Variants in YIPF7 observed in about 807,000 individuals in gnomAD.
YIPF7 encodes the protein Yip1 domain family member 7, also known as protein YIPF7.
In YIPF7, 35 loss-of-function variants were observed where a neutral mutation model predicts 27.2. The ratio of observed to expected loss-of-function variants is 1.29; its 90% CI spans 0.98 to 1.70. The LOEUF (loss-of-function observed/expected upper bound fraction) is 1.70, where lower values mean the gene tolerates loss of function less well. YIPF7 is among the 40% of genes most tolerant of loss of function. The pLI is 0.00. For missense variants in YIPF7, 358 were observed against 303.7 expected (o/e 1.18, Z -1.33); for synonymous variants, 137 against 110.4 (o/e 1.24, Z -1.51).
At chr4:44,650,494 T>TGA (rs1435619663) in intron 1 of YIPF7, among the ~76,000 whole-genome samples, 1 of 133,684 alleles carries the variant, frequency 7.5e-6, no homozygotes, top group Non-Finnish European at 1.7e-5. Flanking sequence ...CGCACACACA[T>TGA]GCGCGCGCGC....
At chr4:44,654,389 G>C (rs1173022345), upstream of YIPF7, among the ~76,000 whole-genome samples, 1 of 151,970 alleles carries the variant, frequency 6.6e-6, no homozygotes, top group East Asian at 1.9e-4. Context: ...ATGTAAAAAA[G>C]CCGTGTGTTC....
intron 2 of YIPF7, among the ~76,000 whole-genome samples, chr4:44,643,705 C>A (rs887831922): frequency 2.0e-5 from 3 of 152,158 alleles, no homozygotes; most frequent in African/African-American, 4.8e-5. Context: ...TTGCTCCCTG[C>A]ATTCTGGCCA....
At chr4:44,624,560 G>T in intron 5 of YIPF7, 41 bp downstream of exon 5, 1 of 1,502,108 alleles carries the variant, frequency 6.7e-7, no homozygotes, top group South Asian at 1.3e-5. Flanking sequence ...CCTTGGCTAT[G>T]ATTGTGCATG....
chr4:44,630,157 G>A (rs1577733937), intron 3 of YIPF7, among the ~76,000 whole-genome samples: 1 of 152,004 alleles, frequency 6.6e-6, no homozygotes, highest in African/African-American at 2.4e-5. Context: ...CCATAGTGGC[G>A]AGGTCTCACT....
At chr4:44,635,424 A>C (rs1429492257) in intron 3 of YIPF7, among the ~76,000 whole-genome samples, 1 of 152,154 alleles carries the variant, frequency 6.6e-6, no homozygotes, top group Non-Finnish European at 1.5e-5. Context: ...TGCCAAGCTG[A>C]TATGAAAGGG....
chr4:44,645,297 G>A (rs1038744279), intron 2 of YIPF7, among the ~76,000 whole-genome samples: 3 of 151,908 alleles, frequency 2.0e-5, no homozygotes, highest in African/African-American at 7.3e-5. Context: ...TTACTAAGTG[G>A]CACCAACTCT....
chr4:44,658,177 A>G (rs1417495825), intron 2 of YIPF7, among the ~76,000 whole-genome samples: 1 of 152,130 alleles, frequency 6.6e-6, no homozygotes, highest in Non-Finnish European at 1.5e-5. Context: ...CTGGAGGTGG[A>G]GTCTTTGGGA....
intron 4 of YIPF7, among the ~76,000 whole-genome samples, chr4:44,627,820 A>C (rs950711392): frequency 1.3e-5 from 2 of 152,206 alleles, no homozygotes; most frequent in Non-Finnish European, 2.9e-5. Context: ...GATTACAGCA[A>C]GTGGCAAAGC....
chr4:44,639,516 A>C (rs995452085), intron 2 of YIPF7, among the ~76,000 whole-genome samples: 1 of 152,132 alleles, frequency 6.6e-6, no homozygotes, highest in Non-Finnish European at 1.5e-5. Flanking sequence ...TAGAAATGCT[A>C]CTGATTTTGT....
intron 2 of YIPF7, among the ~76,000 whole-genome samples, chr4:44,641,214 GT>G (rs1339508254): frequency 6.6e-6 from 1 of 151,990 alleles, no homozygotes. Context: ...AGCTTTTGGT[GT>G]TTTCTGTCAC....
chr4:44,657,045 C>A (rs969462321), intron 2 of YIPF7, among the ~76,000 whole-genome samples: 1 of 151,978 alleles, frequency 6.6e-6, no homozygotes, highest in Non-Finnish European at 1.5e-5. Flanking sequence ...TATTTCATGG[C>A]CTATGCAATT....
chr4:44,624,942 C>CA (rs1712579116), intron 4 of YIPF7, among the ~76,000 whole-genome samples, 160 bp from the exon 5 acceptor site: 1 of 151,940 alleles, frequency 6.6e-6, no homozygotes, highest in Non-Finnish European at 1.5e-5. Flanking sequence ...AAAACATGGC[C>CA]AATGGTTTGA....
intron 3 of YIPF7, among the ~76,000 whole-genome samples, chr4:44,633,865 C>T (rs1281025669): frequency 6.6e-6 from 1 of 152,076 alleles, no homozygotes; most frequent in Non-Finnish European, 1.5e-5. Flanking sequence ...AAAGTCAATA[C>T]ATATATGAGA....
upstream of YIPF7, among the ~76,000 whole-genome samples, chr4:44,653,223 G>C (rs552884400): frequency 3.2e-4 from 49 of 152,202 alleles, no homozygotes; most frequent in Non-Finnish European, 6.0e-4. Flanking sequence ...GATGAGGTCA[G>C]AGGTATGAAC....
intron 4 of YIPF7, among the ~76,000 whole-genome samples, chr4:44,627,967 C>T (rs1712733702): frequency 6.6e-6 from 1 of 152,114 alleles, no homozygotes; most frequent in African/African-American, 2.4e-5. Context: ...GGAATTGATG[C>T]TGTTCTTTAA....
intron 2 of YIPF7, among the ~76,000 whole-genome samples, chr4:44,660,123 A>AAAAAAAAAAAAAAAAC (rs1560332839): frequency 6.9e-6 from 1 of 145,740 alleles, no homozygotes; most frequent in Non-Finnish European, 1.5e-5. Flanking sequence ...CAAAAAAAAA[A>AAAAAAAAAAAAAAAAC]AAAAAAAAAA....
At chr4:44,626,896 C>A (rs1185587939) in intron 4 of YIPF7, among the ~76,000 whole-genome samples, 2 of 149,928 alleles carry the variant, frequency 1.3e-5, no homozygotes, top group East Asian at 4.0e-4. Context: ...CTGCTTCAGC[C>A]TCCCGCGTAG....
intron 2 of YIPF7, among the ~76,000 whole-genome samples, chr4:44,647,710 A>G (rs1287337043): frequency 2.0e-5 from 3 of 152,132 alleles, no homozygotes; most frequent in Non-Finnish European, 4.4e-5. Context: ...AAAAAAAATT[A>G]TATCTCAATA....
intron 4 of YIPF7, 150 bp from the exon 5 acceptor site, chr4:44,624,932 A>G: frequency 1.5e-6 from 1 of 678,772 alleles, no homozygotes; most frequent in Non-Finnish European, 2.4e-6. Flanking sequence ...AGTTCTGGGA[A>G]AAACATGGCC....
Sources: gnomAD v4.1 joint callset for allele counts (sites outside exome capture counted in the v4.1 genomes callset) on GRCh38, gnomAD v4.1.1 for gene constraint, MANE v1.5 for transcripts, NCBI Gene and HGNC (gene_info 2026-07-23, HGNC 2026-07-21) for gene names.